Variants in SFSWAP observed in about 807,000 individuals in gnomAD.
SFSWAP encodes splicing factor, suppressor of white-apricot homolog.
Under a neutral mutation model 100.7 loss-of-function variants are expected in SFSWAP, and 17 were observed. The ratio of observed to expected loss-of-function variants is 0.17; its 90% CI spans 0.12 to 0.25. The LOEUF is 0.25. Ranked by LOEUF, SFSWAP falls within the 10% of genes least tolerant of loss-of-function variation. The probability of loss-of-function intolerance (pLI) is 1.00; values close to 1 mark genes in which losing one functional copy is unlikely to be tolerated. For synonymous variants in SFSWAP, 504 were observed against 510.1 expected (o/e 0.99, Z 0.16); for missense variants, 1,005 against 1,262.6 (o/e 0.80, Z 3.09).
chr12:131,751,315 G>T (rs1268164857), intron 7 of SFSWAP, among the ~76,000 whole-genome samples: 1 of 152,184 alleles, frequency 6.6e-6, no homozygotes, highest in African/African-American at 2.4e-5. Context: ...TTCAGATCCC[G>T]TCCTTTGTGG....
chr12:131,778,430 C>T lies in SFSWAP; in HGVS notation c.2408+100C>T. 1 of 1,521,180 alleles carries T rather than the reference C, an allele frequency of 6.6e-7. No homozygotes were observed. Among genetic ancestry groups the T allele is most frequent in the Non-Finnish European group, 8.8e-7 (1 of 1,136,976 alleles). The allele number at this position is 1,521,180 out of a possible 1,614,324, so 94.2% of individuals were successfully genotyped here. On this transcript the variant is annotated intron_variant, in intron 14 of 17. Transcript: ENST00000261674. The surrounding 1 kb of genome is among the most constrained non-coding windows in gnomAD (Gnocchi z 4.2). Reference sequence around the variant, plus strand: ...GGTAGAACGTTTAAAATCAGTGCCGCTTTCATTAAGCAGACGCGTGTATGC... The same window carrying T: ...GGTAGAACGTTTAAAATCAGTGCCGTTTTCATTAAGCAGACGCGTGTATGC...
Position 131,714,865 on chromosome 12 carries a change from G to A in SFSWAP, c.432G>A (p.Gly144=). Reference sequence around the variant, plus strand: ...TGAGTGAAGCACTAGCAGAGGATGGGAGCTACAATGCCGTGGGGTTCACTT... The same window carrying A: ...TGAGTGAAGCACTAGCAGAGGATGGAAGCTACAATGCCGTGGGGTTCACTT... ...KRLSEALAED[G]SYNAVGFTYG... is the part of the protein sequence containing the mutation. Residue 144 remains glycine, a synonymous_variant, in exon 3 of 18, where the codon GGG becomes GGA. Coordinates refer to ENST00000261674, the MANE Select transcript of SFSWAP (RefSeq NM_004592.4). The surrounding 1 kb of genome is among the most constrained non-coding windows in gnomAD (Gnocchi z 6.0). 6.2e-7 allele frequency: 1 copy of A among 1,613,984 alleles called. No homozygotes were observed. Among genetic ancestry groups the A allele is most frequent in the South Asian group, 1.1e-5 (1 of 91,080 alleles).
intron 12 of SFSWAP, among the ~76,000 whole-genome samples, chr12:131,765,067 C>A (rs1882997641): frequency 6.6e-6 from 1 of 152,246 alleles, no homozygotes; most frequent in South Asian, 2.1e-4. Flanking sequence ...TCTTGTGAGG[C>A]TGCCTACCCA....
chr12:131,796,334 G>C (rs1885674875), intron 15 of SFSWAP: 1 of 152,466 alleles, frequency 6.6e-6, no homozygotes, highest in South Asian at 2.1e-4. Flanking sequence ...AATGAAGCTA[G>C]ACCAGGTGGA....
intron 6 of SFSWAP, among the ~76,000 whole-genome samples, chr12:131,727,876 T>C (rs1201931029): frequency 6.6e-6 from 1 of 152,216 alleles, no homozygotes; most frequent in Non-Finnish European, 1.5e-5. Flanking sequence ...GATTTAAGCA[T>C]CTGGTTTTCA....
chr12:131,716,383 G>T (rs1877916418), intron 3 of SFSWAP, among the ~76,000 whole-genome samples: 1 of 152,160 alleles, frequency 6.6e-6, no homozygotes. Context: ...TGTTCTATCA[G>T]GTCTAAAACG....
chr12:131,768,287 G>T (rs1949220237), intron 13 of SFSWAP, among the ~76,000 whole-genome samples: 1 of 152,204 alleles, frequency 6.6e-6, no homozygotes, highest in Non-Finnish European at 1.5e-5. Context: ...TTTTCCCAAA[G>T]TACAGAATGA....
intron 14 of SFSWAP, chr12:131,785,770 G>A (rs185925957): frequency 1.8e-3 from 275 of 153,334 alleles, no homozygotes; most frequent in Non-Finnish European, 3.2e-3. Flanking sequence ...CTGTGAAATC[G>A]CATAAACTTA....
At chr12:131,773,432 C>T (rs1329346755) in intron 13 of SFSWAP, among the ~76,000 whole-genome samples, 6 of 152,254 alleles carry the variant, frequency 3.9e-5, no homozygotes, top group South Asian at 2.1e-4. Context: ...CTTGACCTCC[C>T]GGCCTGAAGC....
At chr12:131,745,029 G>A (rs928500391) in intron 7 of SFSWAP, among the ~76,000 whole-genome samples, 4 of 152,232 alleles carry the variant, frequency 2.6e-5, no homozygotes, top group Non-Finnish European at 4.4e-5. Flanking sequence ...CATGGGAATT[G>A]TGCTAGTTAC....
chr12:131,747,667 G>A (rs186841322), intron 7 of SFSWAP, among the ~76,000 whole-genome samples: 24 of 152,336 alleles, frequency 1.6e-4, no homozygotes, highest in African/African-American at 5.5e-4. Context: ...CTGAATCATC[G>A]GGCGTCAGCC....
At chr12:131,790,064 T>G (rs1885142680) in intron 15 of SFSWAP, among the ~76,000 whole-genome samples, 1 of 152,180 alleles carries the variant, frequency 6.6e-6, no homozygotes, top group Non-Finnish European at 1.5e-5. Context: ...GACTGCAAAA[T>G]AGTGACTTTC....
chr12:131,785,325 T>C, intron 14 of SFSWAP: 1 of 1,159,812 alleles, frequency 8.6e-7, no homozygotes, highest in Non-Finnish European at 1.2e-6. Flanking sequence ...GGGCAGCCAC[T>C]CCTGGCCCTC....
At chr12:131,749,622 C>T (rs193083484) in intron 7 of SFSWAP, among the ~76,000 whole-genome samples, 16 of 152,290 alleles carry the variant, frequency 1.1e-4, no homozygotes, top group Admixed American at 5.2e-4. Context: ...CCATTGTGTG[C>T]GGCACGTGTC....
At chr12:131,770,568 C>T (rs966461393) in intron 13 of SFSWAP, among the ~76,000 whole-genome samples, 2 of 152,136 alleles carry the variant, frequency 1.3e-5, no homozygotes, top group African/African-American at 4.8e-5. Flanking sequence ...TTTTAAAGTT[C>T]CAATGCTAGA....
intron 11 of SFSWAP, among the ~76,000 whole-genome samples, chr12:131,761,097 C>CAAG (rs908559523): frequency 1.6e-4 from 24 of 152,224 alleles, no homozygotes; most frequent in African/African-American, 5.3e-4. Context: ...GGTTATGAAA[C>CAAG]GAGCTGTGCC....
At chr12:131,720,915 G>A (rs1374451018) in intron 4 of SFSWAP, among the ~76,000 whole-genome samples, 1 of 152,118 alleles carries the variant, frequency 6.6e-6, no homozygotes, top group East Asian at 1.9e-4. Flanking sequence ...AAATACCTGA[G>A]ACTGGGTAAT....
Position 131,793,165 on chromosome 12 carries a change from G to T in SFSWAP, c.2535-4013G>T, listed in dbSNP as rs553466151. On this transcript the variant is annotated intron_variant, in intron 15 of 17. Coordinates refer to ENST00000261674, the MANE Select transcript of SFSWAP (RefSeq NM_004592.4). ...GCAGCAGTGGTGTGATCTCGACTCA[G>T]CCCGGCTGACTGCAGCCTCCTGGGC... 2.5e-3 allele frequency among the ~76,000 whole-genome samples: 375 copies of T among 151,898 alleles called. 4 individuals are homozygous for T. The highest frequency in any genetic ancestry group is 8.6e-3 in the African/African-American group (357 of 41,422).
At chr12:131,774,302 CAG>C (rs1883844265) in intron 13 of SFSWAP, among the ~76,000 whole-genome samples, 2 of 152,178 alleles carry the variant, frequency 1.3e-5, no homozygotes, top group Non-Finnish European at 2.9e-5. Flanking sequence ...CAAATACAAT[CAG>C]ATACAAAGTC....
Sources: gnomAD v4.1 joint callset for allele counts (sites outside exome capture counted in the v4.1 genomes callset) on GRCh38, gnomAD v4.1.1 for gene constraint, Gnocchi (gnomAD v3.1) non-coding constraint, MANE v1.5 for transcripts, NCBI Gene and HGNC (gene_info 2026-07-23, HGNC 2026-07-21) for gene names.